The following SAMSN1 variants were observed in gnomAD, a reference collection of about 807,000 sequenced individuals.
The protein encoded by SAMSN1 is SAM domain-containing protein SAMSN-1.
A neutral mutation model predicts 42.0 loss-of-function variants in SAMSN1; 31 were observed. That is an observed-to-expected ratio of 0.74 (90% CI 0.55 to 1.00). The LOEUF (loss-of-function observed/expected upper bound fraction) is 1.00, where lower values mean the gene tolerates loss of function less well. Ranked by LOEUF, SAMSN1 falls within the 50% of genes least tolerant of loss-of-function variation. The pLI is 0.00. For missense variants in SAMSN1, 464 were observed against 439.4 expected (o/e 1.06, Z -0.50); for synonymous variants, 178 against 151.9 (o/e 1.17, Z -1.26).
chr21:14,638,079 CAGA>C (rs990155276), intron 2 of SAMSN1, among the ~76,000 whole-genome samples: 34 of 152,236 alleles, frequency 2.2e-4, no homozygotes, highest in African/African-American at 8.2e-4. Flanking sequence ...TTGCAAAAAC[CAGA>C]AGACTAAAAA....
chr21:14,530,834 T>C (rs1056190968), intron 1 of SAMSN1, among the ~76,000 whole-genome samples: 2 of 152,322 alleles, frequency 1.3e-5, no homozygotes, highest in Middle Eastern at 3.4e-3. Context: ...AATTTTGCAT[T>C]ACTAATTTTG....
chr21:14,558,541 C>T (rs1039118660), intron 2 of SAMSN1, among the ~76,000 whole-genome samples: 1 of 151,814 alleles, frequency 6.6e-6, no homozygotes, highest in African/African-American at 2.4e-5. Context: ...ATTAGCCGGC[C>T]GTGGTGATGC....
rs144696294 is a variant in SAMSN1, at chr21:14,494,125, G to A, written c.919+4317C>T. Among the ~76,000 whole-genome samples, 294 of 152,346 alleles carry A rather than the reference G, an allele frequency of 1.9e-3. 3 individuals are homozygous for A. Among genetic ancestry groups the A allele is most frequent in the Middle Eastern group, 0.017 (5 of 294 alleles). Reference sequence around the variant, plus strand: ...ACACTGTTAGTGGGAATGTAAATTAGTTCAACCATTGTCAAAGACAGTGTG... The same window carrying A: ...ACACTGTTAGTGGGAATGTAAATTAATTCAACCATTGTCAAAGACAGTGTG... On this transcript the variant is annotated intron_variant, in intron 7 of 7. Transcript: ENST00000400566.
At chr21:14,532,975 G>A (rs1241001754) in intron 1 of SAMSN1, among the ~76,000 whole-genome samples, 2 of 152,194 alleles carry the variant, frequency 1.3e-5, no homozygotes, top group African/African-American at 4.8e-5. Context: ...GTGCGGTGAT[G>A]TGATCATAGC....
At chr21:14,510,007 C>T (rs1184702255) in intron 5 of SAMSN1, among the ~76,000 whole-genome samples, 6 of 151,448 alleles carry the variant, frequency 4.0e-5, no homozygotes, top group South Asian at 2.1e-4. Context: ...GGCGTGGTGG[C>T]GGGCGCCTGT....
intron 1 of SAMSN1, among the ~76,000 whole-genome samples, chr21:14,543,367 C>T (rs538961251): frequency 2.6e-5 from 4 of 152,136 alleles, no homozygotes; most frequent in Non-Finnish European, 5.9e-5. Context: ...GATAACACTA[C>T]ACATGGTAAA....
intron 1 of SAMSN1, among the ~76,000 whole-genome samples, chr21:14,537,146 T>A (rs926475344): frequency 1.3e-5 from 2 of 152,222 alleles, no homozygotes; most frequent in Admixed American, 1.3e-4. Flanking sequence ...GTGATCCAGC[T>A]CTTTGCGGCG....
chr21:14,520,203 A>G (rs972755296), intron 2 of SAMSN1, among the ~76,000 whole-genome samples: 1 of 152,226 alleles, frequency 6.6e-6, no homozygotes, highest in African/African-American at 2.4e-5. Flanking sequence ...TAAAATGTTC[A>G]TAGTGTACAA....
chr21:14,549,735 A>C (rs183846257), upstream of SAMSN1, among the ~76,000 whole-genome samples: 372 of 152,258 alleles, frequency 2.4e-3, 1 homozygote, highest in African/African-American at 7.4e-3. Context: ...TGCAGAATTT[A>C]CTCATCTATG....
chr21:14,606,146 A>G (rs1187435357), intron 5 of SAMSN1, among the ~76,000 whole-genome samples: 1 of 152,194 alleles, frequency 6.6e-6, no homozygotes, highest in East Asian at 1.9e-4. Context: ...GGTCAAGAAG[A>G]TTTATTTTTA....
At chr21:14,658,661 A>G (rs1189683112) in intron 1 of SAMSN1, 2 of 698,414 alleles carry the variant, frequency 2.9e-6, no homozygotes, top group African/African-American at 1.8e-5. Context: ...TCATCACATA[A>G]GAAGTTTAGA....
rs75194149 is a variant in SAMSN1 at position 14,603,060 on chromosome 21, T to G, written c.323-961A>C. ...CAGAATTCCAGAAAGTACCTAAATT[T>G]TAAACTGAGCTGATTTTTTGATCTG... On this transcript the variant is annotated intron_variant, in intron 5 of 15. Coordinates refer to the SAMSN1 transcript ENST00000647101. 8.1e-4 allele frequency among the ~76,000 whole-genome samples: 123 copies of G among 152,282 alleles called. 1 individual carries two copies. In the East Asian group the frequency reaches 0.022, roughly 28 times the overall value.
In SAMSN1 at chr21:14,636,863, C is replaced by CA. The variant is rs200830673; in HGVS notation, c.156+6138dup. ...TGGGCGACAGAGCGAGATTCCGTCT[C>CA]AAAAAAACAAACAAAAAAAAGTGTA... On this transcript the variant is annotated intron_variant, in intron 2 of 15. Coordinates refer to the SAMSN1 transcript ENST00000647101. Among the ~76,000 whole-genome samples, 1,268 of 151,386 alleles carry CA rather than the reference C, an allele frequency of 8.4e-3. 23 individuals are homozygous for CA. Among genetic ancestry groups the CA allele is most frequent in the African/African-American group, 0.029 (1,212 of 41,250 alleles).
upstream of SAMSN1, among the ~76,000 whole-genome samples, chr21:14,550,460 C>T (rs1237970346): frequency 1.3e-5 from 2 of 152,074 alleles, no homozygotes; most frequent in East Asian, 1.9e-4. Context: ...ATTCTATTAA[C>T]AGGAAGTGGC....
intron 2 of SAMSN1, among the ~76,000 whole-genome samples, chr21:14,627,578 G>C (rs144886880): frequency 3.0e-4 from 46 of 152,240 alleles, no homozygotes; most frequent in African/African-American, 1.1e-3. Context: ...ACACATACTT[G>C]TACTTTGAAA....
intron 1 of SAMSN1, among the ~76,000 whole-genome samples, chr21:14,654,324 A>G (rs2040597645): frequency 6.6e-6 from 1 of 152,080 alleles, no homozygotes; most frequent in Non-Finnish European, 1.5e-5. Flanking sequence ...CAAACACATT[A>G]CAAACTACTG....
intron 1 of SAMSN1, among the ~76,000 whole-genome samples, chr21:14,540,570 A>G (rs1254969143): frequency 6.6e-6 from 1 of 152,176 alleles, no homozygotes; most frequent in African/African-American, 2.4e-5. Flanking sequence ...ATGCAAATCA[A>G]AACCACAATG....
At chr21:14,626,098 C>T (rs1433348586) in intron 2 of SAMSN1, among the ~76,000 whole-genome samples, 1 of 152,148 alleles carries the variant, frequency 6.6e-6, no homozygotes, top group Non-Finnish European at 1.5e-5. Context: ...GAAACTGGAT[C>T]CCTTCTTTAC....
At position 14,512,349 on chromosome 21, in the gene SAMSN1, A is replaced by G. The variant is rs560698097; in HGVS notation, c.409+95T>C. The G allele has an allele frequency of 9.4e-6, 12 of 1,279,728 alleles. No individual in the cohort carries two copies. In the East Asian group the frequency reaches 2.8e-4, roughly 30 times the overall value. 79.3% of individuals were successfully genotyped at this position (1,279,728 alleles called of 1,614,324 possible). ...ATTTTTACCATTTCTCTTATCAAGT[A>G]GCTGGAACCTTGTGGCTGATTTAAC... On this transcript the variant is annotated intron_variant, in intron 4 of 7. Coordinates refer to ENST00000400566, the MANE Select transcript of SAMSN1 (RefSeq NM_022136.5).
Sources: gnomAD v4.1 joint callset for allele counts (sites outside exome capture counted in the v4.1 genomes callset) on GRCh38, gnomAD v4.1.1 for gene constraint, MANE v1.5 for transcripts, NCBI Gene and HGNC (gene_info 2026-07-23, HGNC 2026-07-21) for gene names.